Variants in COL4A3 observed in about 807,000 individuals in gnomAD.
The protein encoded by COL4A3 is collagen alpha-3(IV) chain.
Under a neutral mutation model 217.4 loss-of-function variants are expected in COL4A3, and 135 were observed. The ratio of observed to expected loss-of-function variants is 0.62; its 90% CI spans 0.54 to 0.72. The LOEUF (loss-of-function observed/expected upper bound fraction) is 0.72, where lower values mean the gene tolerates loss of function less well. COL4A3 is among the 30% of genes least tolerant of loss of function. COL4A3 has a pLI of 0.00. For missense variants in COL4A3, 1,868 were observed against 2,119.9 expected, an observed-to-expected ratio of 0.88 and a Z score of 2.33; for synonymous variants, 690 against 736.3, an observed-to-expected ratio of 0.94 and a Z score of 1.02.
At chr2:227,240,498 C>G (rs1466635750) in intron 3 of COL4A3, among the ~76,000 whole-genome samples, 2 of 152,200 alleles carry the variant, frequency 1.3e-5, no homozygotes, top group African/African-American at 4.8e-5. Flanking sequence ...TCTGTTCCTA[C>G]CTCTATTCCT....
chr2:227,267,859 C>A (rs763066047), intron 23 of COL4A3, among the ~76,000 whole-genome samples: 11 of 152,072 alleles, frequency 7.2e-5, no homozygotes, highest in Non-Finnish European at 1.2e-4. Flanking sequence ...GAGTCACAAG[C>A]CTTCTCTTGA....
At chr2:227,187,062 C>A (rs547030248) in intron 1 of COL4A3, among the ~76,000 whole-genome samples, 2 of 152,322 alleles carry the variant, frequency 1.3e-5, no homozygotes, top group Admixed American at 1.3e-4. Flanking sequence ...GTTCTCCTCA[C>A]TCATTAGAGA....
At chr2:227,274,496 C>A (rs2071438032) in intron 26 of COL4A3, among the ~76,000 whole-genome samples, 1 of 148,878 alleles carries the variant, frequency 6.7e-6, no homozygotes, top group Non-Finnish European at 1.5e-5. Context: ...TACTTTGGAG[C>A]TGCTTTTTTT....
chr2:227,299,064 G>A (rs1358191159), intron 43 of COL4A3, among the ~76,000 whole-genome samples: 3 of 152,154 alleles, frequency 2.0e-5, no homozygotes, highest in Non-Finnish European at 4.4e-5. Flanking sequence ...CAACAGGAGA[G>A]AGAATGAGTG....
chr2:227,164,708 C>A lies in COL4A3; in HGVS notation c.-19C>A, dbSNP rs1240134210. On this transcript the variant is annotated 5_prime_UTR_variant, in exon 1 of 52. Coordinates refer to ENST00000396578, the MANE Select transcript of COL4A3 (RefSeq NM_000091.5). This position sits in a 1 kb window ranked among gnomAD's most constrained non-coding sequence, Gnocchi z 4.8. ...CTGAGGGTCCCCGGACTCGCCCAGG[C>A]TCTGAGCGCGCGCCCACCATGAGCG... 1.3e-6 allele frequency: 2 copies of A among 1,530,786 alleles called. No homozygotes were observed. Among genetic ancestry groups the A allele is most frequent in the Non-Finnish European group, 1.7e-6 (2 of 1,145,296 alleles). 94.8% of individuals were successfully genotyped at this position (1,530,786 alleles called of 1,614,324 possible). A position where few individuals can be genotyped will look rare whatever the true frequency, so the allele number is the denominator to read the frequency against.
intron 24 of COL4A3, among the ~76,000 whole-genome samples, chr2:227,270,427 A>G (rs540824989): frequency 2.0e-5 from 3 of 152,342 alleles, no homozygotes; most frequent in Non-Finnish European, 4.4e-5. Context: ...AGTGAATCAA[A>G]AAGTTATAGA....
chr2:227,256,267 T>C (rs2070165331), intron 16 of COL4A3, 76 bp from the exon 17 acceptor site: 4 of 1,383,996 alleles, frequency 2.9e-6, no homozygotes, highest in African/African-American at 1.4e-5. Context: ...TCAGAGGAGT[T>C]CAAATTGCAC....
intron 1 of COL4A3, among the ~76,000 whole-genome samples, chr2:227,203,297 G>A (rs1407525931): frequency 1.4e-5 from 1 of 73,176 alleles, no homozygotes; most frequent in African/African-American, 5.4e-5. Flanking sequence ...ACATATATGT[G>A]TATATATGTG....
At position 227,251,363 on chromosome 2, in the gene COL4A3, G is replaced by C; in HGVS notation, c.637G>C (p.Gly213Arg). 3.1e-6 allele frequency: 5 copies of C among 1,612,952 alleles called. No homozygotes were observed. The highest frequency in any genetic ancestry group is 3.4e-6 in the Non-Finnish European group (4 of 1,179,882). ...FGFPGAMGPR[G>R]PKGHMGERVI... is the part of the protein sequence containing the mutation. Reference sequence around the variant, plus strand: ...CTTTCCAGGAGCCATGGGACCTAGAGGACCTAAGGTAGACTACAGTTCATA... The same window carrying C: ...CTTTCCAGGAGCCATGGGACCTAGACGACCTAAGGTAGACTACAGTTCATA... Residue 213 changes from glycine (G) to arginine (R), a missense_variant, in exon 11 of 52, where the codon GGA becomes CGA. Coordinates refer to ENST00000396578, the MANE Select transcript of COL4A3 (RefSeq NM_000091.5).
At chr2:227,213,476 A>G (rs977056357) in intron 1 of COL4A3, among the ~76,000 whole-genome samples, 2 of 152,182 alleles carry the variant, frequency 1.3e-5, no homozygotes, top group Non-Finnish European at 2.9e-5. Flanking sequence ...ATGTAAAGCC[A>G]TTATTAGCTC....
At chr2:227,293,063 C>CT in intron 37 of COL4A3, 128 bp from the exon 38 acceptor site, 10 of 1,242,112 alleles carry the variant, frequency 8.1e-6, no homozygotes, top group Non-Finnish European at 1.1e-5. Flanking sequence ...TATCACAGTG[C>CT]TGGCAGATAG....
intron 34 of COL4A3, among the ~76,000 whole-genome samples, chr2:227,286,663 T>C (rs554926475): frequency 6.6e-6 from 1 of 152,214 alleles, no homozygotes; most frequent in African/African-American, 2.4e-5. Context: ...CAGAGCTCTG[T>C]AGGAGTTGAG....
intron 1 of COL4A3, among the ~76,000 whole-genome samples, chr2:227,186,484 G>A (rs2066038181): frequency 6.6e-6 from 1 of 152,194 alleles, no homozygotes. Context: ...AGCTAATAGT[G>A]AGAGCAGCAC....
In COL4A3 at chr2:227,261,071, T is replaced by C. The variant is rs1038782805; in HGVS notation, c.1115-11T>C. The C allele has an allele frequency of 3.1e-6, 5 of 1,608,300 alleles. No homozygotes were observed. In the Admixed American group the frequency reaches 5.0e-5, roughly 16 times the overall value. Reference sequence around the variant, plus strand: ...CTTTCTAAGCAATTAATTAATGTTATATATTCCCAGGTCCCAGTGGTCCCC... The same window carrying C: ...CTTTCTAAGCAATTAATTAATGTTACATATTCCCAGGTCCCAGTGGTCCCC... On this transcript the variant is annotated splice_polypyrimidine_tract_variant and intron_variant, in intron 19 of 51. Transcript: ENST00000396578.
chr2:227,168,953 A>G (rs1054037332), intron 1 of COL4A3, among the ~76,000 whole-genome samples: 14 of 151,224 alleles, frequency 9.3e-5, no homozygotes, highest in Non-Finnish European at 1.8e-4. Context: ...GGTTAGTTAC[A>G]TATGTATACA....
At chr2:227,246,544 C>T (rs2069350086) in intron 6 of COL4A3, 141 bp from the exon 7 acceptor site, 1 of 713,498 alleles carries the variant, frequency 1.4e-6, no homozygotes, top group Non-Finnish European at 2.5e-6. Flanking sequence ...TCTTCAGCCT[C>T]ATGACCCAGT....
intron 15 of COL4A3, 147 bp downstream of exon 15, chr2:227,254,862 C>T: frequency 4.3e-6 from 3 of 703,800 alleles, no homozygotes; most frequent in South Asian, 3.1e-5. Flanking sequence ...TTTACTTACT[C>T]AAGTATCTAA....
chr2:227,245,898 G>A (rs1464646512), intron 5 of COL4A3, 56 bp from the exon 6 acceptor site: 6 of 1,260,586 alleles, frequency 4.8e-6, no homozygotes, highest in African/African-American at 4.4e-5. Flanking sequence ...TTTTCCCTTG[G>A]GTTCAGTGCT....
chr2:227,189,573 G>A (rs764935114), intron 1 of COL4A3, among the ~76,000 whole-genome samples: 35 of 152,208 alleles, frequency 2.3e-4, no homozygotes, highest in Non-Finnish European at 3.4e-4. Context: ...AGTTAGTATC[G>A]GTAAAAAGCC....
Sources: allele counts gnomAD v4.1 joint callset (sites outside exome capture counted in the v4.1 genomes callset), GRCh38; gene constraint gnomAD v4.1.1; non-coding constraint Gnocchi (gnomAD v3.1); transcripts MANE v1.5; gene names NCBI Gene and HGNC (gene_info 2026-07-23, HGNC 2026-07-21).